Variants in FAM117A observed in about 807,000 individuals in gnomAD.
FAM117A encodes family with sequence similarity 117 member A.
In FAM117A, 21 loss-of-function variants were observed where a neutral mutation model predicts 44.1. That is an observed-to-expected ratio of 0.48 (90% confidence interval 0.34 to 0.69). The LOEUF (loss-of-function observed/expected upper bound fraction) is 0.69. Among genes scored for constraint, FAM117A ranks in the 30% least tolerant of loss-of-function variants. FAM117A has a pLI of 0.01. For synonymous variants in FAM117A, 220 were observed against 238.3 expected, an observed-to-expected ratio of 0.92 and a Z score of 0.71; for missense variants, 498 against 589.9, an observed-to-expected ratio of 0.84 and a Z score of 1.61.
At chr17:49,768,150 G>A (rs1252342047), upstream of FAM117A, among the ~76,000 whole-genome samples, 2 of 152,102 alleles carry the variant, frequency 1.3e-5, no homozygotes, top group African/African-American at 2.4e-5. Context: ...AGTCTTAAAA[G>A]CTGCAAGGGT....
At chr17:49,730,625 C>A (rs569800470) in intron 2 of FAM117A, among the ~76,000 whole-genome samples, 3 of 152,290 alleles carry the variant, frequency 2.0e-5, no homozygotes, top group African/African-American at 7.2e-5. Flanking sequence ...CTCCAGGAAG[C>A]CCTCCTTGAC....
intron 1 of FAM117A, among the ~76,000 whole-genome samples, chr17:49,777,322 A>AC (rs1376877538): frequency 2.0e-5 from 3 of 152,172 alleles, no homozygotes; most frequent in African/African-American, 7.2e-5. Flanking sequence ...TCCATGAGGC[A>AC]CCAGTGCACC....
At chr17:49,782,689 C>CAAAAAAAAAA (rs74562078) in intron 1 of FAM117A, among the ~76,000 whole-genome samples, 3 of 56,188 alleles carry the variant, frequency 5.3e-5, no homozygotes, top group African/African-American at 1.6e-4. Flanking sequence ...GACTTTGTCT[C>CAAAAAAAAAA]AAAAAAAAAA....
chr17:49,724,454 T>C lies in FAM117A; in HGVS notation c.367-1860A>G, dbSNP rs750759622. 15 of 456,176 alleles carry C rather than the reference T, an allele frequency of 3.3e-5. 1 individual carries two copies. The highest frequency in any genetic ancestry group is 2.3e-4 in the South Asian group (15 of 64,578). 28.3% of individuals were successfully genotyped at this position (456,176 alleles called of 1,614,324 possible). A position where few individuals can be genotyped will look rare whatever the true frequency, so the allele number is the denominator to read the frequency against. On this transcript the variant is annotated intron_variant, in intron 2 of 7. Transcript: ENST00000240364. ...TTCAGGCCGCCACGGGTACTACTAA[T>C]ATCTCTTGCAAACTCTTCAAGTACC...
chr17:49,713,260 G>A (rs1172514607), intron 7 of FAM117A, among the ~76,000 whole-genome samples: 2 of 152,048 alleles, frequency 1.3e-5, no homozygotes, highest in African/African-American at 4.8e-5. Flanking sequence ...ATGATAAAAG[G>A]TCAGGTCAGA....
Position 49,711,452 on chromosome 17 carries a change from G to T in FAM117A, c.1165C>A (p.Pro389Thr). ...ATGAAGCCCATGCCGGGGAAGAGGG[G>T]CTTCATCAGGTTGACGGGGCAGAAG... ...SAFCPVNLMK[P>T]LFPGMGFIFR... The change falls in exon 8 of 8, where the codon CCC becomes ACC. Residue 389 changes from proline (P) to threonine (T), a missense_variant. Pro to Thr is a conservative substitution (Grantham distance 38). Transcript: ENST00000240364. The T allele has an allele frequency of 1.2e-6, 2 of 1,614,056 alleles. No homozygotes were observed. Among genetic ancestry groups the T allele is most frequent in the Non-Finnish European group, 1.7e-6 (2 of 1,180,024 alleles).
intron 1 of FAM117A, among the ~76,000 whole-genome samples, chr17:49,763,498 C>T (rs995620916): frequency 6.6e-6 from 1 of 151,142 alleles, no homozygotes; most frequent in Non-Finnish European, 1.5e-5. Context: ...CGCCCACCGA[C>T]TCCTGCTCCC....
In FAM117A at chr17:49,719,897, G is replaced by A. The variant is rs762261590; in HGVS notation, c.574-3C>T. 1 of 1,599,870 alleles carries A rather than the reference G, an allele frequency of 6.3e-7. No individual in the cohort carries two copies. The highest frequency in any genetic ancestry group is 1.7e-4 in the Middle Eastern group (1 of 6,030). ...GAGGGGAAGCTGGGAGGGGACGCCT[G>A]AGGAAGAGGCAAATGACAAAATCAC... On this transcript the variant is annotated splice_region_variant and splice_polypyrimidine_tract_variant and intron_variant, in intron 4 of 7. Coordinates refer to ENST00000240364, the MANE Select transcript of FAM117A (RefSeq NM_030802.4).
At chr17:49,717,777 G>A in intron 5 of FAM117A, 63 bp from the exon 6 acceptor site, 1 of 1,344,736 alleles carries the variant, frequency 7.4e-7, no homozygotes, top group Non-Finnish European at 1.0e-6. Context: ...GCAGCACAGT[G>A]ACCCCAAGGG....
chr17:49,720,186 A>AC, intron 4 of FAM117A, 140 bp downstream of exon 4: 1 of 723,082 alleles, frequency 1.4e-6, no homozygotes, highest in East Asian at 2.7e-5. Flanking sequence ...ACACAGCAAG[A>AC]CCAAGTTTGG....
In FAM117A at chr17:49,764,022, C is replaced by A; in HGVS notation, c.66G>T (p.Gly22=). ...GAWGPGRGGA[G]GLRRGCSPPA... ...GGGGAGAGCAGCCCCGCCGGAGCCC[C>A]CCGGCCCCTCCGCGCCCCGGCCCCC... Residue 22 remains glycine (G), a synonymous_variant, in exon 1 of 8, where the codon GGG becomes GGT. Transcript: ENST00000240364. 8.3e-7 allele frequency: 1 copy of A among 1,203,080 alleles called. No homozygotes were observed. Among genetic ancestry groups the A allele is most frequent in the Non-Finnish European group, 1.0e-6 (1 of 964,674 alleles). 74.5% of individuals were successfully genotyped at this position (1,203,080 alleles called of 1,614,324 possible).
upstream of FAM117A, among the ~76,000 whole-genome samples, chr17:49,765,377 G>A (rs1443397480): frequency 1.3e-5 from 2 of 152,132 alleles, no homozygotes; most frequent in Non-Finnish European, 2.9e-5. Context: ...CCAGTTTAAT[G>A]TTAAAAAGAA....
chr17:49,743,441 A>G (rs2073642431), intron 1 of FAM117A, among the ~76,000 whole-genome samples: 1 of 152,108 alleles, frequency 6.6e-6, no homozygotes, highest in Non-Finnish European at 1.5e-5. Context: ...AAAAAAAAGA[A>G]AAAAAAGGCC....
Position 49,717,651 on chromosome 17 carries a change from G to A in FAM117A, c.772C>T (p.Pro258Ser). 2 of 1,614,052 alleles carry A rather than the reference G, an allele frequency of 1.2e-6. No individual in the cohort carries two copies. Among genetic ancestry groups the A allele is most frequent in the Non-Finnish European group, 1.7e-6 (2 of 1,179,942 alleles). ...TTGCCAGGCTCCAGGAGGAGGAGGG[G>A]ATGATCACAGCTGCCACTCTGGGGA... ...APPQSGSCDHPLLLLEPGNLA... is the reference protein window; with the variant it reads ...APPQSGSCDHSLLLLEPGNLA... The change falls in exon 6 of 8, where the codon CCC becomes TCC. Residue 258 changes from proline to serine, a missense_variant. This residue lies in a region of FAM117A where 224 missense variants were observed against 296.5 expected (regional missense o/e 0.76). Coordinates refer to ENST00000240364, the MANE Select transcript of FAM117A (RefSeq NM_030802.4).
chr17:49,777,969 T>C (rs1410941386), intron 1 of FAM117A, among the ~76,000 whole-genome samples: 7 of 152,218 alleles, frequency 4.6e-5, no homozygotes, highest in African/African-American at 7.2e-5. Flanking sequence ...CAATGACTTA[T>C]ACAGCTTAGA....
chr17:49,741,492 T>C (rs898889197), intron 1 of FAM117A, among the ~76,000 whole-genome samples: 1 of 152,160 alleles, frequency 6.6e-6, no homozygotes, highest in Non-Finnish European at 1.5e-5. Flanking sequence ...TAAAATGAGG[T>C]CATATTATAC....
At chr17:49,717,070 A>T (rs1018826454) in intron 6 of FAM117A, among the ~76,000 whole-genome samples, 2 of 146,280 alleles carry the variant, frequency 1.4e-5, no homozygotes, top group African/African-American at 2.5e-5. Flanking sequence ...GATTTGGAGT[A>T]AAAAAAAAAA....
At position 49,719,769 on chromosome 17, in the gene FAM117A, C is replaced by G; in HGVS notation, c.699G>C (p.Glu233Asp). 1 of 1,583,770 alleles carries G rather than the reference C, an allele frequency of 6.3e-7. No homozygotes were observed. ...EVFVKEQGEE[E>D]LLRILDIPDG... ...TGCAGCCGCCACTCACCCTCAGCAG[C>G]TCCTCTTCTCCCTGCTCCTTCACAA... Residue 233 changes from glutamate (E) to aspartate (D), a missense_variant, in exon 5 of 8, where the codon GAG (glutamate) becomes GAC (aspartate). Physicochemically the swap from Glu to Asp is conservative, Grantham distance 45. This residue lies in a region of FAM117A where 224 missense variants were observed against 296.5 expected (regional missense o/e 0.76). Coordinates refer to ENST00000240364, the MANE Select transcript of FAM117A (RefSeq NM_030802.4).
intron 1 of FAM117A, among the ~76,000 whole-genome samples, chr17:49,758,501 G>C (rs1390629135): frequency 2.0e-5 from 3 of 151,288 alleles, no homozygotes; most frequent in Non-Finnish European, 4.4e-5. Context: ...GTGGGCACCT[G>C]TGGTCCCAGC....
Sources: allele counts gnomAD v4.1 joint callset (sites outside exome capture counted in the v4.1 genomes callset), GRCh38; gene constraint gnomAD v4.1.1; regional missense constraint gnomAD v4.1.1; transcripts MANE v1.5; gene names NCBI Gene and HGNC (gene_info 2026-07-23, HGNC 2026-07-21).